The following RUVBL1 variants were observed in gnomAD, a reference collection of about 807,000 sequenced individuals.
RUVBL1 encodes ruvB-like 1.
In RUVBL1, 4 loss-of-function variants were observed where a neutral mutation model predicts 52.4. The ratio of observed to expected loss-of-function variants is 0.08; its 90% CI spans 0.04 to 0.17. The LOEUF (loss-of-function observed/expected upper bound fraction) is 0.17, where lower values mean the gene tolerates loss of function less well. Ranked by LOEUF, RUVBL1 falls within the 10% of genes least tolerant of loss-of-function variation. RUVBL1 has a pLI of 1.00. For synonymous variants in RUVBL1, 217 were observed against 214.4 expected (o/e 1.01, Z -0.10); for missense variants, 298 against 572.8 (o/e 0.52, Z 4.90).
intron 1 of RUVBL1, among the ~76,000 whole-genome samples, chr3:128,130,101 C>A (rs1468226434): frequency 2.0e-5 from 3 of 151,932 alleles, no homozygotes; most frequent in Non-Finnish European, 4.4e-5. Flanking sequence ...AATAAAAAAA[C>A]TAAAAGTTGG....
At chr3:128,076,905 C>A (rs1942345687), downstream of RUVBL1, among the ~76,000 whole-genome samples, 3 of 152,198 alleles carry the variant, frequency 2.0e-5, no homozygotes, top group Admixed American at 6.5e-5. The surrounding 1 kb of genome is among the most constrained non-coding windows in gnomAD (Gnocchi z 6.8). Flanking sequence ...CTCCCCGCAG[C>A]TGCCGGCGTC....
At chr3:128,108,979 T>C (rs1943311916) in intron 3 of RUVBL1, among the ~76,000 whole-genome samples, 1 of 152,174 alleles carries the variant, frequency 6.6e-6, no homozygotes, top group Non-Finnish European at 1.5e-5. Context: ...AAGTATGATT[T>C]AGATAAACTT....
intron 1 of RUVBL1, among the ~76,000 whole-genome samples, chr3:128,139,841 T>C (rs1367831115): frequency 6.6e-6 from 1 of 152,100 alleles, no homozygotes; most frequent in Non-Finnish European, 1.5e-5. Flanking sequence ...TTAATTGTAC[T>C]CCCATGAGAT....
chr3:128,065,334 C>A, intron 9 of RUVBL1: 1 of 584,864 alleles, frequency 1.7e-6, no homozygotes, highest in Middle Eastern at 3.1e-4. Context: ...TCAAGAGAAG[C>A]AAAAAGTACT....
chr3:128,150,755 C>CTATATAT (rs1944177847), intron 1 of RUVBL1, among the ~76,000 whole-genome samples: 1 of 100,578 alleles, frequency 9.9e-6, no homozygotes, highest in Non-Finnish European at 1.8e-5. Context: ...TATATATTCT[C>CTATATAT]TATATATTCT....
At chr3:128,132,007 G>A (rs1309952995) in intron 1 of RUVBL1, among the ~76,000 whole-genome samples, 1 of 152,210 alleles carries the variant, frequency 6.6e-6, no homozygotes, top group Non-Finnish European at 1.5e-5. Flanking sequence ...GAGTAGGAAA[G>A]ACAGTCTTGA....
chr3:128,064,852 T>C (rs1308785397), exon 10 of RUVBL1: 21 of 1,564,060 alleles, frequency 1.3e-5, no homozygotes, highest in Non-Finnish European at 1.7e-5. Flanking sequence ...CGTTCCTTCA[T>C]ATATGTCTCC....
intron 3 of RUVBL1, among the ~76,000 whole-genome samples, chr3:128,106,746 A>T (rs890093411): frequency 6.6e-6 from 1 of 152,248 alleles, no homozygotes; most frequent in Non-Finnish European, 1.5e-5. Context: ...TCTATATGGT[A>T]ATGGCCTGAG....
intron 7 of RUVBL1, 115 bp downstream of exon 7, chr3:128,098,765 AAG>A (rs2107688558): frequency 1.2e-6 from 1 of 860,282 alleles, no homozygotes; most frequent in East Asian, 2.5e-5. Context: ...ATGAGGAAGA[AAG>A]AACTGTTCTG....
intron 9 of RUVBL1, among the ~76,000 whole-genome samples, chr3:128,087,000 T>C (rs1942662331): frequency 6.6e-6 from 1 of 152,250 alleles, no homozygotes; most frequent in Non-Finnish European, 1.5e-5. Flanking sequence ...TATTATATGA[T>C]CAGTTTCACA....
chr3:128,150,886 TATATTC>T (rs1175430503), intron 1 of RUVBL1, among the ~76,000 whole-genome samples: 1 of 73,344 alleles, frequency 1.4e-5, no homozygotes, highest in African/African-American at 6.2e-5. Context: ...ATTCTATATA[TATATTC>T]TATATATATA....
intron 1 of RUVBL1, among the ~76,000 whole-genome samples, chr3:128,121,236 C>T (rs573683237): frequency 2.0e-5 from 3 of 151,690 alleles, no homozygotes; most frequent in Admixed American, 6.6e-5. Flanking sequence ...ACTGAGACTA[C>T]AGGCGCATAC....
At chr3:128,145,723 G>A (rs757252842) in intron 1 of RUVBL1, among the ~76,000 whole-genome samples, 13 of 152,100 alleles carry the variant, frequency 8.5e-5, no homozygotes, top group Non-Finnish European at 1.3e-4. Context: ...CTTCCCTTGG[G>A]GACTACAAAC....
At chr3:128,133,196 G>A (rs115800029) in intron 1 of RUVBL1, among the ~76,000 whole-genome samples, 5 of 152,264 alleles carry the variant, frequency 3.3e-5, no homozygotes, top group Non-Finnish European at 7.4e-5. Flanking sequence ...ACTTTGTATT[G>A]CGGTTTGGGC....
At chr3:128,069,367 G>C (rs1942084228) in intron 9 of RUVBL1, 10 of 1,006,620 alleles carry the variant, frequency 9.9e-6, no homozygotes, top group Non-Finnish European at 1.3e-5. Flanking sequence ...GGAGACAGCA[G>C]AGGGGCCTTT....
In RUVBL1 at chr3:128,153,562, G is replaced by A. The variant is rs567446865; in HGVS notation, c.-399C>T. 2 of 1,535,720 alleles carry A rather than the reference G, an allele frequency of 1.3e-6. No homozygotes were observed. On this transcript the variant is annotated 5_prime_UTR_variant, in exon 1 of 10. Coordinates refer to the RUVBL1 transcript ENST00000464873. ...GGGCGTGCTGGGCCACATCGACAGC[G>A]GCAAGACGGCGCTGGCGCGGGCGCT...
intron 1 of RUVBL1, among the ~76,000 whole-genome samples, chr3:128,145,186 G>C (rs1027641251): frequency 2.6e-5 from 4 of 152,132 alleles, no homozygotes; most frequent in Non-Finnish European, 5.9e-5. Flanking sequence ...ACCAGGAATT[G>C]CTCTAAGTGC....
intron 1 of RUVBL1, among the ~76,000 whole-genome samples, chr3:128,143,607 T>G (rs1361823668): frequency 6.6e-6 from 1 of 152,238 alleles, no homozygotes. Context: ...GGTCCCATCA[T>G]AGCCCAGGCC....
chr3:128,097,791 G>A (rs1016938259), intron 7 of RUVBL1, among the ~76,000 whole-genome samples: 7 of 152,138 alleles, frequency 4.6e-5, no homozygotes, highest in East Asian at 3.9e-4. Context: ...CACAGCACAC[G>A]CTCACTGCTG....
Sources: gnomAD v4.1 joint callset for allele counts (sites outside exome capture counted in the v4.1 genomes callset) on GRCh38, gnomAD v4.1.1 for gene constraint, Gnocchi (gnomAD v3.1) non-coding constraint, MANE v1.5 for transcripts, NCBI Gene and HGNC (gene_info 2026-07-23, HGNC 2026-07-21) for gene names.